The following DPYSL3 variants were observed in gnomAD, a reference collection of about 807,000 sequenced individuals.
DPYSL3 encodes the protein dihydropyrimidinase-related protein 3.
A neutral mutation model predicts 66.1 loss-of-function variants in DPYSL3; 16 were observed. That is an observed-to-expected ratio of 0.24 (90% confidence interval 0.16 to 0.37). The LOEUF (loss-of-function observed/expected upper bound fraction) is 0.37. DPYSL3 is among the 10% of genes least tolerant of loss of function. The probability of loss-of-function intolerance (pLI) is 1.00; values close to 1 mark genes in which losing one functional copy is unlikely to be tolerated. For missense variants in DPYSL3, 738 were observed against 916.2 expected, an observed-to-expected ratio of 0.81 and a Z score of 2.51; for synonymous variants, 338 against 345.1, an observed-to-expected ratio of 0.98 and a Z score of 0.23.
intron 1 of DPYSL3, among the ~76,000 whole-genome samples, chr5:147,501,690 G>C (rs1181345223): frequency 6.6e-6 from 1 of 151,982 alleles, no homozygotes; most frequent in African/African-American, 2.4e-5. Flanking sequence ...TGTTGGACAG[G>C]CTGGTCTCGA....
At chr5:147,403,100 C>CTAATAATG (rs1758239936) in intron 8 of DPYSL3, among the ~76,000 whole-genome samples, 1 of 152,126 alleles carries the variant, frequency 6.6e-6, no homozygotes. Flanking sequence ...GGGAAAAATT[C>CTAATAATG]TAATAATGCG....
chr5:147,509,550 G>C lies in DPYSL3; in HGVS notation c.309C>G (p.Pro103=). Residue 103 remains proline (P), a synonymous_variant, in exon 1 of 14, where the codon CCC becomes CCG. Transcript: ENST00000343218. The surrounding 1 kb of genome is among the most constrained non-coding windows in gnomAD (Gnocchi z 5.3). ...TCCGGATCTCTACCCCGGCGGGGGCGGGGGAGGCGGGCGCGGGCTCCCTGC... is the reference window on the plus strand; with the variant it reads ...TCCGGATCTCTACCCCGGCGGGGGCCGGGGAGGCGGGCGCGGGCTCCCTGC... ...EESREPAPAS[P]APAGVEIRSA... 6.5e-7 allele frequency: 1 copy of C among 1,534,904 alleles called. No homozygotes were observed. The highest frequency in any genetic ancestry group is 8.7e-7 in the Non-Finnish European group (1 of 1,146,406).
At chr5:147,431,211 C>T (rs938503259) in intron 1 of DPYSL3, among the ~76,000 whole-genome samples, 10 of 152,134 alleles carry the variant, frequency 6.6e-5, no homozygotes, top group African/African-American at 1.2e-4. Context: ...AGAGGAAAAA[C>T]CAGACATTCT....
rs574056317 is a variant in DPYSL3, at chr5:147,398,979, C to T, written c.1623+103G>A. 6.9e-6 allele frequency: 10 copies of T among 1,458,056 alleles called. No homozygotes were observed. In the East Asian group the frequency reaches 9.2e-5, roughly 13 times the overall value. The allele number at this position is 1,458,056 out of a possible 1,614,324, so 90.3% of individuals were successfully genotyped here. On this transcript the variant is annotated intron_variant, in intron 11 of 13. Transcript: ENST00000343218. ...GGGATGGATTATTATTGCAACCCGT[C>T]CTAGTCTAACTACCCTGGCACACCA...
chr5:147,501,420 T>C (rs1241260970), intron 1 of DPYSL3, among the ~76,000 whole-genome samples: 1 of 150,172 alleles, frequency 6.7e-6, no homozygotes, highest in Non-Finnish European at 1.5e-5. Flanking sequence ...TCCAAGCCCA[T>C]AAAATGTGCA....
At chr5:147,399,364 C>T in intron 10 of DPYSL3, 112 bp from the exon 11 acceptor site, 1 of 1,276,022 alleles carries the variant, frequency 7.8e-7, no homozygotes, top group Non-Finnish European at 1.0e-6. Flanking sequence ...CAAAAAGGAG[C>T]CACCTGAAAA....
At chr5:147,406,490 G>A (rs1389352942) in intron 7 of DPYSL3, among the ~76,000 whole-genome samples, 1 of 152,182 alleles carries the variant, frequency 6.6e-6, no homozygotes, top group Non-Finnish European at 1.5e-5. Context: ...TTCCTTGTCT[G>A]TAAATTGAGG....
intron 6 of DPYSL3, among the ~76,000 whole-genome samples, chr5:147,410,646 T>C (rs1751833955): frequency 6.6e-6 from 1 of 152,200 alleles, no homozygotes; most frequent in South Asian, 2.1e-4. Context: ...GTTGAACGAA[T>C]GGCTAAAGAT....
chr5:147,498,358 T>C (rs1314676792), intron 1 of DPYSL3, among the ~76,000 whole-genome samples: 1 of 152,220 alleles, frequency 6.6e-6, no homozygotes, highest in Non-Finnish European at 1.5e-5. Context: ...TTTAGGTTGA[T>C]TCCATGTCAT....
chr5:147,395,288 C>T (rs907850875), intron 13 of DPYSL3, among the ~76,000 whole-genome samples: 4 of 152,236 alleles, frequency 2.6e-5, no homozygotes, highest in Non-Finnish European at 5.9e-5. Flanking sequence ...CTCCCCGACC[C>T]TGCCCCCAAC....
intron 1 of DPYSL3, among the ~76,000 whole-genome samples, chr5:147,456,636 G>A (rs1376226521): frequency 1.4e-5 from 2 of 141,690 alleles, no homozygotes; most frequent in African/African-American, 2.7e-5. Flanking sequence ...TGTTGCCCAG[G>A]CTGGAGTGCA....
intron 1 of DPYSL3, among the ~76,000 whole-genome samples, chr5:147,444,818 T>C (rs899418943): frequency 6.6e-6 from 1 of 152,156 alleles, no homozygotes; most frequent in African/African-American, 2.4e-5. Flanking sequence ...CTAAAAATCT[T>C]TTGAAACACA....
At chr5:147,446,652 G>A (rs968025972) in intron 1 of DPYSL3, among the ~76,000 whole-genome samples, 18 of 152,166 alleles carry the variant, frequency 1.2e-4, no homozygotes, top group African/African-American at 4.3e-4. Context: ...AGTGAGAAAG[G>A]GCCTTAGACC....
intron 2 of DPYSL3, among the ~76,000 whole-genome samples, chr5:147,423,697 T>TTTTG (rs143844309): frequency 1.6e-4 from 24 of 150,498 alleles, no homozygotes; most frequent in South Asian, 4.2e-4. Context: ...CACAAGCTGG[T>TTTTG]TTTGTTTGTT....
At chr5:147,413,908 T>G (rs1751910546) in intron 4 of DPYSL3, among the ~76,000 whole-genome samples, 1 of 152,198 alleles carries the variant, frequency 6.6e-6, no homozygotes, top group African/African-American at 2.4e-5. Flanking sequence ...TAAACTCCCC[T>G]GTCCAGCATC....
intron 1 of DPYSL3, among the ~76,000 whole-genome samples, chr5:147,459,842 G>C (rs1252642316): frequency 1.3e-5 from 2 of 152,224 alleles, no homozygotes; most frequent in Non-Finnish European, 2.9e-5. Flanking sequence ...CGGGTGCTGT[G>C]GCTCACGCCT....
intron 1 of DPYSL3, among the ~76,000 whole-genome samples, chr5:147,482,712 T>A (rs1308363597): frequency 6.6e-6 from 1 of 151,770 alleles, no homozygotes; most frequent in African/African-American, 2.4e-5. Context: ...TTACTTCTGA[T>A]TTTTTTTTCT....
chr5:147,476,025 C>A (rs960844755), intron 1 of DPYSL3, among the ~76,000 whole-genome samples: 1 of 152,048 alleles, frequency 6.6e-6, no homozygotes, highest in African/African-American at 2.4e-5. Flanking sequence ...GAGGTTGATA[C>A]TATTATTATG....
At chr5:147,444,172 G>A (rs922026770) in intron 1 of DPYSL3, among the ~76,000 whole-genome samples, 4 of 152,106 alleles carry the variant, frequency 2.6e-5, no homozygotes, top group African/African-American at 9.7e-5. Flanking sequence ...ACCATACCGT[G>A]GGGTTAAGAA....
Sources: allele counts gnomAD v4.1 joint callset (sites outside exome capture counted in the v4.1 genomes callset), GRCh38; gene constraint gnomAD v4.1.1; non-coding constraint Gnocchi (gnomAD v3.1); transcripts MANE v1.5; gene names NCBI Gene and HGNC (gene_info 2026-07-23, HGNC 2026-07-21).